Variants in CSPP1 observed in about 807,000 individuals in gnomAD.
The protein encoded by CSPP1 is centrosome and spindle pole associated protein 1, also known as centrosome and spindle pole-associated protein 1.
Under a neutral mutation model 164.4 loss-of-function variants are expected in CSPP1, and 126 were observed. That is an observed-to-expected ratio of 0.77 (90% confidence interval 0.66 to 0.89). The LOEUF (loss-of-function observed/expected upper bound fraction) is 0.89. Among genes scored for constraint, CSPP1 ranks in the 40% least tolerant of loss-of-function variants. The pLI, the probability that CSPP1 is intolerant of heterozygous loss-of-function variation, is 0.00. For missense variants in CSPP1, 1,395 were observed against 1,449.8 expected (o/e 0.96, Z 0.61); for synonymous variants, 472 against 476.7 (o/e 0.99, Z 0.13).
intron 28 of CSPP1, among the ~76,000 whole-genome samples, chr8:67,189,508 A>T (rs1586909549): frequency 6.6e-6 from 1 of 152,228 alleles, no homozygotes; most frequent in African/African-American, 2.4e-5. Context: ...AAAGCCCCAT[A>T]TCTTATTCAA....
At chr8:67,133,288 C>T (rs536804520) in intron 16 of CSPP1, among the ~76,000 whole-genome samples, 37 of 152,252 alleles carry the variant, frequency 2.4e-4, no homozygotes, top group East Asian at 1.5e-3. Context: ...AACAACCCTG[C>T]GCTTATACTT....
At chr8:67,185,770 A>C (rs1474439888) in intron 28 of CSPP1, among the ~76,000 whole-genome samples, 4 of 152,204 alleles carry the variant, frequency 2.6e-5, no homozygotes, top group Non-Finnish European at 2.9e-5. Context: ...ATGATGAGGA[A>C]GCTGAAGAAA....
rs947040901 is a variant in CSPP1, at chr8:67,158,373, A to G, written c.2242-74A>G. On this transcript the variant is annotated intron_variant, in intron 19 of 30. Transcript: ENST00000678616. Reference sequence around the variant, plus strand: ...GGTACAAGTGTTGAGTTTATATACTATCAGGAAAAAAATAAGTGATATTCT... The same window carrying G: ...GGTACAAGTGTTGAGTTTATATACTGTCAGGAAAAAAATAAGTGATATTCT... 3.2e-5 allele frequency: 45 copies of G among 1,413,586 alleles called. No homozygotes were observed. In the African/African-American group the frequency reaches 3.6e-4, roughly 11 times the overall value. 87.6% of individuals were successfully genotyped at this position (1,413,586 alleles called of 1,614,324 possible).
At chr8:67,098,761 T>G (rs561904228) in intron 7 of CSPP1, among the ~76,000 whole-genome samples, 2 of 152,150 alleles carry the variant, frequency 1.3e-5, no homozygotes, top group Non-Finnish European at 2.9e-5. Context: ...AATATTTTAC[T>G]TTATTATCTT....
chr8:67,066,834 G>A (rs574985885), intron 1 of CSPP1, among the ~76,000 whole-genome samples: 2 of 152,068 alleles, frequency 1.3e-5, no homozygotes, highest in South Asian at 2.1e-4. Flanking sequence ...TGTTACCCAT[G>A]CTGGAGTGCA....
Position 67,175,422 on chromosome 8 carries a change from A to T in CSPP1, c.3095A>T (p.Gln1032Leu). The change falls in exon 26 of 31, where the codon CAG (glutamine) becomes CTG (leucine). Residue 1032 changes from glutamine (Q) to leucine (L), a missense_variant. By Grantham distance (113) the Gln-to-Leu change is moderately radical (BLOSUM62 -2). Coordinates refer to ENST00000678616, the MANE Select transcript of CSPP1 (RefSeq NM_001382391.1). The stretch of plus-strand genomic sequence containing the variant: ...AAGAGGCTGAACAGAATAAAAATGC[A>T]GGAAGGTGCCAAAGGTAAGAAATAA... ...QQKRLNRIKM[Q>L]EGAKVDLDAI... 5.0e-6 allele frequency: 8 copies of T among 1,614,194 alleles called. No homozygotes were observed. The highest frequency in any genetic ancestry group is 6.8e-6 in the Non-Finnish European group (8 of 1,180,000).
At chr8:67,089,008 A>G (rs1025378268) in intron 4 of CSPP1, among the ~76,000 whole-genome samples, 1 of 152,086 alleles carries the variant, frequency 6.6e-6, no homozygotes, top group African/African-American at 2.4e-5. Context: ...AAAGCAAGAG[A>G]AAAAGAAAAC....
intron 25 of CSPP1, among the ~76,000 whole-genome samples, chr8:67,173,206 AAG>A (rs149702406): frequency 0.012 from 1,867 of 152,256 alleles, 45 homozygotes; most frequent in African/African-American, 0.043. Context: ...ATGCAGGAGA[AAG>A]AGGTTCAGGC....
At chr8:67,174,668 G>GGCAGGAGAATGGCATGAAC (rs1385138522) in intron 25 of CSPP1, 1 of 152,450 alleles carries the variant, frequency 6.6e-6, no homozygotes, top group East Asian at 1.9e-4. Flanking sequence ...GGGAGACTGA[G>GGCAGGAGAATGGCATGAAC]GCAGGAGAAT....
intron 9 of CSPP1, among the ~76,000 whole-genome samples, chr8:67,109,657 C>A (rs1327510826): frequency 6.6e-6 from 1 of 152,138 alleles, no homozygotes; most frequent in Non-Finnish European, 1.5e-5. Context: ...ATGTTGCAAT[C>A]TCACACATGC....
intron 28 of CSPP1, among the ~76,000 whole-genome samples, chr8:67,185,943 T>A (rs1297707986): frequency 1.3e-5 from 2 of 152,062 alleles, no homozygotes; most frequent in African/African-American, 4.8e-5. Flanking sequence ...AGGACCTAGT[T>A]CTGTAGGTCC....
At position 67,110,779 on chromosome 8, in the gene CSPP1, C is replaced by T. The variant is rs191093627; in HGVS notation, c.1094-1193C>T. The stretch of plus-strand genomic sequence containing the variant: ...GTGATTATAGGGCTCACCTCAATTA[C>T]AATTCTGCACTACCTATTGTCCAGT... On this transcript the variant is annotated intron_variant, in intron 9 of 30. Coordinates refer to ENST00000678616, the MANE Select transcript of CSPP1 (RefSeq NM_001382391.1). Among the ~76,000 whole-genome samples the T allele has an allele frequency of 1.1e-4, 17 of 152,274 alleles. No individual in the cohort carries two copies. The East Asian group carries it at 3.3e-3, about 29-fold the overall frequency.
intron 28 of CSPP1, among the ~76,000 whole-genome samples, chr8:67,184,741 A>AT (rs1156958388): frequency 9.7e-5 from 14 of 143,610 alleles, no homozygotes; most frequent in African/African-American, 3.8e-4. Context: ...AATAATAAAA[A>AT]AATATAATAA....
chr8:67,077,721 T>C (rs1277727905), intron 3 of CSPP1, among the ~76,000 whole-genome samples: 1 of 152,224 alleles, frequency 6.6e-6, no homozygotes, highest in African/African-American at 2.4e-5. Context: ...CTATGATAAG[T>C]TCATTTGATT....
At chr8:67,149,683 ATTG>A in intron 17 of CSPP1, 97 bp from the exon 18 acceptor site, 1 of 772,496 alleles carries the variant, frequency 1.3e-6, no homozygotes, top group African/African-American at 1.8e-5. Context: ...ACTTTGTCCT[ATTG>A]TTTTTCTTTC....
chr8:67,119,100 T>C (rs900847352), intron 15 of CSPP1, among the ~76,000 whole-genome samples: 12 of 152,290 alleles, frequency 7.9e-5, no homozygotes, highest in African/African-American at 2.9e-4. Context: ...CTACTCCATG[T>C]ACCTCATATG....
chr8:67,192,201 A>G (rs568946625), intron 29 of CSPP1, among the ~76,000 whole-genome samples: 1 of 151,436 alleles, frequency 6.6e-6, no homozygotes, highest in Non-Finnish European at 1.5e-5. Context: ...CAGCCTCCCA[A>G]GTAGCTGGGA....
intron 15 of CSPP1, among the ~76,000 whole-genome samples, chr8:67,125,900 TC>T (rs1183617888): frequency 1.3e-5 from 2 of 152,254 alleles, no homozygotes; most frequent in African/African-American, 4.8e-5. Context: ...TGGCCTGATC[TC>T]AGCTCACTAC....
intron 15 of CSPP1, among the ~76,000 whole-genome samples, chr8:67,119,183 C>A (rs529197990): frequency 1.3e-5 from 2 of 152,206 alleles, no homozygotes; most frequent in Admixed American, 1.3e-4. Flanking sequence ...AAGGTTCATC[C>A]GTCTTTTAGC....
Sources: gnomAD v4.1 joint callset for allele counts (sites outside exome capture counted in the v4.1 genomes callset) on GRCh38, gnomAD v4.1.1 for gene constraint, MANE v1.5 for transcripts, NCBI Gene and HGNC (gene_info 2026-07-23, HGNC 2026-07-21) for gene names.